The following SLC39A14 variants were observed in gnomAD, a reference collection of about 807,000 sequenced individuals.
The protein encoded by SLC39A14 is solute carrier family 39 member 14.
A neutral mutation model predicts 45.5 loss-of-function variants in SLC39A14; 19 were observed. The ratio of observed to expected loss-of-function variants is 0.42; its 90% CI spans 0.29 to 0.61. The LOEUF (loss-of-function observed/expected upper bound fraction) is 0.61. Ranked by LOEUF, SLC39A14 falls within the 20% of genes least tolerant of loss-of-function variation. The pLI, the probability that SLC39A14 is intolerant of heterozygous loss-of-function variation, is 0.22. For missense variants in SLC39A14, 447 were observed against 616.5 expected, an observed-to-expected ratio of 0.73 and a Z score of 2.91; for synonymous variants, 264 against 251.3, an observed-to-expected ratio of 1.05 and a Z score of -0.48.
intron 8 of SLC39A14, among the ~76,000 whole-genome samples, chr8:22,427,843 A>T (rs1486717139): frequency 6.6e-6 from 1 of 152,182 alleles, no homozygotes. Flanking sequence ...AGTATACATG[A>T]TTCAGTGAAC....
At chr8:22,382,790 C>G (rs1258564787) in intron 1 of SLC39A14, among the ~76,000 whole-genome samples, 3 of 152,278 alleles carry the variant, frequency 2.0e-5, no homozygotes, top group African/African-American at 7.2e-5. Flanking sequence ...TCTCACCTCA[C>G]CATAGCCTCC....
At chr8:22,404,082 A>G (rs993640877) in intron 1 of SLC39A14, among the ~76,000 whole-genome samples, 4 of 152,060 alleles carry the variant, frequency 2.6e-5, no homozygotes, top group African/African-American at 9.7e-5. Flanking sequence ...CCCCAGATAT[A>G]AGATGTCAAA....
Position 22,404,922 on chromosome 8 carries a change from T to G in SLC39A14, c.212T>G (p.Val71Gly), listed in dbSNP as rs1168020730. Reference protein sequence around the residue: ...QLKALLNHLDVGVGRGNVTQH... With the variant: ...QLKALLNHLDGGVGRGNVTQH... ...AAGGCCCTACTCAACCACCTGGATGTGGGAGTGGGCCGGGGTAATGTCACC... is the reference window on the plus strand; with the variant it reads ...AAGGCCCTACTCAACCACCTGGATGGGGGAGTGGGCCGGGGTAATGTCACC... The change falls in exon 2 of 9, where the codon GTG becomes GGG. Residue 71 changes from valine to glycine, a missense_variant. This residue lies in a region of SLC39A14 where 342 missense variants were observed against 428.1 expected (regional missense o/e 0.80). Coordinates refer to ENST00000381237, the MANE Select transcript of SLC39A14 (RefSeq NM_001128431.4). 6.2e-7 allele frequency: 1 copy of G among 1,614,012 alleles called. No homozygotes were observed. Among genetic ancestry groups the G allele is most frequent in the Non-Finnish European group, 8.5e-7 (1 of 1,180,032 alleles).
At chr8:22,426,382 G>A (rs1488122546), downstream of SLC39A14, among the ~76,000 whole-genome samples, 1 of 152,006 alleles carries the variant, frequency 6.6e-6, no homozygotes, top group Admixed American at 6.5e-5. Flanking sequence ...TAGTGGAAAG[G>A]AGGTCTCGTT....
intron 1 of SLC39A14, among the ~76,000 whole-genome samples, chr8:22,395,373 T>G (rs76573115): frequency 0.032 from 4,863 of 152,312 alleles, 124 homozygotes; most frequent in South Asian, 0.06. Flanking sequence ...CTTCTCACTG[T>G]TTTTGGTTTA....
At chr8:22,410,005 C>G (rs754214516) in intron 3 of SLC39A14, 4 of 1,614,022 alleles carry the variant, frequency 2.5e-6, no homozygotes, top group East Asian at 4.5e-5. Flanking sequence ...CCTGGGAGTC[C>G]TCGTCCTGCC....
chr8:22,413,176 C>T (rs1835679482), intron 4 of SLC39A14, among the ~76,000 whole-genome samples: 1 of 152,178 alleles, frequency 6.6e-6, no homozygotes. Flanking sequence ...AAGCACAGGA[C>T]GTCTCCCTGT....
chr8:22,389,360 C>T (rs924048883), intron 1 of SLC39A14, among the ~76,000 whole-genome samples: 5 of 152,092 alleles, frequency 3.3e-5, no homozygotes, highest in African/African-American at 1.2e-4. Flanking sequence ...ATCTCAGCTG[C>T]AGACTGGCAT....
chr8:22,423,442 TCTC>T (rs1458798815), downstream of SLC39A14, among the ~76,000 whole-genome samples: 1 of 151,856 alleles, frequency 6.6e-6, no homozygotes, highest in African/African-American at 2.4e-5. Flanking sequence ...TTCACGCCAT[TCTC>T]CTGCTTCAGC....
chr8:22,418,138 G>C (rs1413542352), intron 8 of SLC39A14, among the ~76,000 whole-genome samples: 1 of 152,110 alleles, frequency 6.6e-6, no homozygotes, highest in Non-Finnish European at 1.5e-5. Context: ...CCCGGCCTCA[G>C]GTGATCCACC....
In SLC39A14 at chr8:22,421,989, C is replaced by T. The variant is rs1218548718; in HGVS notation, c.*2291C>T. On this transcript the variant is annotated 3_prime_UTR_variant, in exon 9 of 9. Coordinates refer to ENST00000381237, the MANE Select transcript of SLC39A14 (RefSeq NM_001128431.4). Reference sequence around the variant, plus strand: ...AGTCCTAGTCGGAGCTTAGGAGGGGCGGAGACGCTCACATCGTCTGACTTG... The same window carrying T: ...AGTCCTAGTCGGAGCTTAGGAGGGGTGGAGACGCTCACATCGTCTGACTTG... 24 of 985,390 alleles carry T rather than the reference C, an allele frequency of 2.4e-5. No individual in the cohort carries two copies. The highest frequency in any genetic ancestry group is 1.4e-4 in the South Asian group (3 of 21,278). 61.0% of individuals were successfully genotyped at this position (985,390 alleles called of 1,614,324 possible).
At position 22,419,696 on chromosome 8, in the gene SLC39A14, T is replaced by A. The variant is rs1273768217; in HGVS notation, c.1477T>A (p.Ter493LysextTer38). 1 of 1,599,676 alleles carries A rather than the reference T, an allele frequency of 6.3e-7. No homozygotes were observed. The highest frequency in any genetic ancestry group is 1.3e-5 in the African/African-American group (1 of 74,510). The change falls in exon 9 of 9, where the codon TAG (stop) becomes AAG (lysine). Residue 493 changes from the stop codon to lysine (K), a stop_lost. Coordinates refer to ENST00000381237, the MANE Select transcript of SLC39A14 (RefSeq NM_001128431.4). ...TMYSGQIQIG[*>K] ...GTATTCAGGACAGATCCAGATTGGG[T>A]AGGGCTCTGCCAAGAGCCTGTGGGA...
At chr8:22,433,642 G>A (rs1307805335) in intron 8 of SLC39A14, among the ~76,000 whole-genome samples, 1 of 143,516 alleles carries the variant, frequency 7.0e-6, no homozygotes, top group African/African-American at 2.6e-5. Flanking sequence ...CTCAGAGACC[G>A]CCCACCTCAG....
rs1197831422 is a variant in SLC39A14, at chr8:22,386,424, G to A, written c.-15-18272G>A. Among the ~76,000 whole-genome samples the A allele has an allele frequency of 2.6e-5, 4 of 151,884 alleles. 1 individual carries two copies. The highest frequency in any genetic ancestry group is 2.0e-4 in the Admixed American group (3 of 15,252). On this transcript the variant is annotated intron_variant, in intron 1 of 8. Transcript: ENST00000381237. ...TGTGATTACAGGCATGTGCCACCAC[G>A]CCTGGCTAATTTTTGTATTTTTAGT... is the stretch of plus-strand genomic sequence containing the variant.
chr8:22,400,737 T>TGGG (rs1241947816), intron 1 of SLC39A14, among the ~76,000 whole-genome samples: 1 of 152,208 alleles, frequency 6.6e-6, no homozygotes, highest in Non-Finnish European at 1.5e-5. Flanking sequence ...TCCTAAAGCA[T>TGGG]GTGATGTCCC....
intron 1 of SLC39A14, among the ~76,000 whole-genome samples, chr8:22,374,192 TGGG>T (rs1325702178): frequency 6.6e-6 from 1 of 151,882 alleles, no homozygotes; most frequent in Non-Finnish European, 1.5e-5. Flanking sequence ...GTGGTGGGGT[TGGG>T]GGGAGGTTGG....
chr8:22,385,626 A>T (rs1198827890), intron 1 of SLC39A14, among the ~76,000 whole-genome samples: 1 of 152,158 alleles, frequency 6.6e-6, no homozygotes, highest in Non-Finnish European at 1.5e-5. Context: ...GAGTGAGATG[A>T]GCCAGTTATA....
intron 1 of SLC39A14, among the ~76,000 whole-genome samples, chr8:22,374,085 T>G (rs941112958): frequency 1.3e-5 from 2 of 152,190 alleles, no homozygotes; most frequent in Non-Finnish European, 2.9e-5. Flanking sequence ...AGTTGTTATT[T>G]AAATAAATCA....
rs572335605 is a variant in SLC39A14 at position 22,404,981 on chromosome 8, G to A, written c.270+1G>A. 6.2e-7 allele frequency: 1 copy of A among 1,612,734 alleles called. No individual in the cohort carries two copies. Among genetic ancestry groups the A allele is most frequent in the African/African-American group, 1.3e-5 (1 of 75,028 alleles). The stretch of plus-strand genomic sequence containing the variant: ...GCAAGGACACAGGAACCTCTCCACG[G>A]TAAGGCTCCCCTGTGAGCCAGCAGC... On this transcript the variant is annotated splice_donor_variant, in intron 2 of 8. Transcript: ENST00000381237. LOFTEE classifies it high-confidence loss of function.
Sources: allele counts gnomAD v4.1 joint callset (sites outside exome capture counted in the v4.1 genomes callset), GRCh38; gene constraint gnomAD v4.1.1; regional missense constraint gnomAD v4.1.1; transcripts MANE v1.5; gene names NCBI Gene and HGNC (gene_info 2026-07-23, HGNC 2026-07-21).